Variants in MAD1L1 observed in about 807,000 individuals in gnomAD.
The protein encoded by MAD1L1 is mitotic arrest deficient 1 like 1, also known as mitotic spindle assembly checkpoint protein MAD1.
MAD1L1 carries 95 observed loss-of-function variants against 96.9 expected under a neutral mutation model. The observed-to-expected ratio is 0.98, with a 90% confidence interval of 0.83 to 1.16. The LOEUF (loss-of-function observed/expected upper bound fraction) is 1.16. MAD1L1 is among the 50% of genes most tolerant of loss of function. MAD1L1 has a pLI of 0.00. For synonymous variants in MAD1L1, 473 were observed against 396.6 expected (o/e 1.19, Z -2.29); for missense variants, 1,007 against 954.4 (o/e 1.06, Z -0.73).
At chr7:2,148,726 T>C (rs1789429211) in intron 11 of MAD1L1, 1 of 185,628 alleles carries the variant, frequency 5.4e-6, no homozygotes, top group Non-Finnish European at 1.1e-5. Context: ...TCTCTTGGTA[T>C]TCATAGTGAG....
intron 12 of MAD1L1, among the ~76,000 whole-genome samples, chr7:2,045,658 G>A (rs529542237): frequency 1.1e-4 from 16 of 151,868 alleles, no homozygotes; most frequent in Admixed American, 8.5e-4. Flanking sequence ...CTGGAAAAGC[G>A]ACAGTCGCTT....
chr7:1,887,164 G>A (rs1367091829), intron 18 of MAD1L1, among the ~76,000 whole-genome samples: 1 of 152,272 alleles, frequency 6.6e-6, no homozygotes, highest in African/African-American at 2.4e-5. Context: ...CCAGATCACA[G>A]AAGCAGGTGC....
intron 15 of MAD1L1, among the ~76,000 whole-genome samples, chr7:1,972,119 T>A (rs1019966286): frequency 2.6e-5 from 4 of 152,194 alleles, no homozygotes; most frequent in Non-Finnish European, 4.4e-5. Context: ...CCATGTCTAC[T>A]CCCACGTGAT....
chr7:2,187,697 G>T, intron 10 of MAD1L1, among the ~76,000 whole-genome samples: 1 of 152,172 alleles, frequency 6.6e-6, no homozygotes, highest in East Asian at 1.9e-4. Flanking sequence ...GAAATAGAAA[G>T]CACATGTAAG....
At chr7:2,213,424 T>C (rs1793089586) in intron 9 of MAD1L1, 151 bp from the exon 10 acceptor site, 1 of 712,674 alleles carries the variant, frequency 1.4e-6, no homozygotes, top group Non-Finnish European at 2.5e-6. Flanking sequence ...CCAAGTCTGC[T>C]TGGAAGTGGC....
At chr7:1,925,204 T>A (rs1169257001) in intron 17 of MAD1L1, among the ~76,000 whole-genome samples, 1 of 152,190 alleles carries the variant, frequency 6.6e-6, no homozygotes, top group Admixed American at 6.5e-5. Flanking sequence ...TATCAAATTA[T>A]CAGCTACCAA....
chr7:2,118,387 C>T (rs999812296), intron 11 of MAD1L1, among the ~76,000 whole-genome samples: 1 of 152,260 alleles, frequency 6.6e-6, no homozygotes, highest in African/African-American at 2.4e-5. Flanking sequence ...GGACCTCCCC[C>T]TGTGCTGCCA....
Position 2,142,800 on chromosome 7 carries a change from A to C in MAD1L1, c.1073+6352T>G, listed in dbSNP as rs975587807. ...AGCAGGTGGTCAGGTTGAGCATGAGACTTGCTGGGAACACATGGCTGAGGC... is the reference window on the plus strand; with the variant it reads ...AGCAGGTGGTCAGGTTGAGCATGAGCCTTGCTGGGAACACATGGCTGAGGC... On this transcript the variant is annotated intron_variant, in intron 11 of 18. Transcript: ENST00000265854. The surrounding 1 kb of genome is among the most constrained non-coding windows in gnomAD (Gnocchi z 4.7). Among the ~76,000 whole-genome samples, 1 of 152,190 alleles carries C rather than the reference A, an allele frequency of 6.6e-6. No individual in the cohort carries two copies. Among genetic ancestry groups the C allele is most frequent in the Non-Finnish European group, 1.5e-5 (1 of 68,030 alleles).
At chr7:2,169,483 C>T (rs1420690666) in intron 10 of MAD1L1, among the ~76,000 whole-genome samples, 10 of 152,182 alleles carry the variant, frequency 6.6e-5, no homozygotes, top group Admixed American at 6.5e-4. Context: ...TCTCTTGCTC[C>T]AATCCAAAAA....
At chr7:2,228,639 A>T (rs1050703064) in intron 3 of MAD1L1, among the ~76,000 whole-genome samples, 10 of 113,210 alleles carry the variant, frequency 8.8e-5, no homozygotes, top group African/African-American at 4.0e-4. Flanking sequence ...CATTTACATA[A>T]ATATTATATA....
At chr7:1,974,393 A>G (rs1583964647) in intron 15 of MAD1L1, among the ~76,000 whole-genome samples, 1 of 152,258 alleles carries the variant, frequency 6.6e-6, no homozygotes, top group Non-Finnish European at 1.5e-5. Context: ...TTAGAGCAAC[A>G]GAGAACAGGG....
intron 12 of MAD1L1, among the ~76,000 whole-genome samples, chr7:2,034,787 G>A (rs1361300853): frequency 1.3e-5 from 2 of 152,212 alleles, no homozygotes; most frequent in African/African-American, 4.8e-5. Context: ...GGGAGACGTG[G>A]AGATGAAATG....
chr7:2,014,586 G>A lies in MAD1L1; in HGVS notation c.1275C>T (p.Ala425=), dbSNP rs1465487584. The change falls in exon 13 of 19, where the codon GCC becomes GCT. Residue 425 remains alanine (A), a synonymous_variant. Coordinates refer to ENST00000265854, the MANE Select transcript of MAD1L1 (RefSeq NM_001013836.2). ...LGSYDSELTP[A]EYSPQLTRRM... ...GCCGCGTCAGCTGGGGTGAGTACTC[G>A]GCCGGGGTCAGCTCGCTGTCGTAGG... 21 of 1,612,372 alleles carry A rather than the reference G, an allele frequency of 1.3e-5. No individual in the cohort carries two copies. The highest frequency in any genetic ancestry group is 1.7e-4 in the Middle Eastern group (1 of 6,032).
intron 16 of MAD1L1, among the ~76,000 whole-genome samples, chr7:1,946,784 C>G (rs1040457448): frequency 2.6e-5 from 4 of 152,256 alleles, no homozygotes; most frequent in African/African-American, 9.6e-5. Flanking sequence ...CACCTTCAGA[C>G]AAAGCGGTCT....
chr7:2,154,195 G>C (rs137879748), intron 10 of MAD1L1, among the ~76,000 whole-genome samples: 2 of 152,128 alleles, frequency 1.3e-5, no homozygotes, highest in Non-Finnish European at 1.5e-5. Context: ...TTGTAACAAC[G>C]TGGCTGGAAT....
At chr7:2,057,891 G>A (rs1394672851) in intron 12 of MAD1L1, among the ~76,000 whole-genome samples, 1 of 152,222 alleles carries the variant, frequency 6.6e-6, no homozygotes, top group African/African-American at 2.4e-5. Flanking sequence ...GCCTGAAGGA[G>A]ACAAGGTGCC....
rs1022801407 is a variant in MAD1L1, at chr7:2,096,826, C to T, written c.1074-27488G>A. On this transcript the variant is annotated intron_variant, in intron 11 of 18. Transcript: ENST00000265854. ...GCCCAGCAGAGGCTGGGGGCACAGACCCATGGTACAGCCCGACAGCAGAGG... is the reference window on the plus strand; with the variant it reads ...GCCCAGCAGAGGCTGGGGGCACAGATCCATGGTACAGCCCGACAGCAGAGG... Among the ~76,000 whole-genome samples, 9 of 152,272 alleles carry T rather than the reference C, an allele frequency of 5.9e-5. No homozygotes were observed. The East Asian group carries it at 1.7e-3, about 30-fold the overall frequency.
chr7:1,852,050 A>T (rs1784005725), intron 18 of MAD1L1, among the ~76,000 whole-genome samples: 3 of 152,094 alleles, frequency 2.0e-5, no homozygotes, highest in South Asian at 2.1e-4. Flanking sequence ...ATGTCACAAG[A>T]TTGTTCTGGA....
chr7:1,926,101 T>C (rs184480914), intron 17 of MAD1L1, among the ~76,000 whole-genome samples: 2 of 152,104 alleles, frequency 1.3e-5, no homozygotes, highest in Non-Finnish European at 1.5e-5. Context: ...GCAGGCACGA[T>C]AAAATCAGCG....
Sources: gnomAD v4.1 joint callset for allele counts (sites outside exome capture counted in the v4.1 genomes callset) on GRCh38, gnomAD v4.1.1 for gene constraint, Gnocchi (gnomAD v3.1) non-coding constraint, MANE v1.5 for transcripts, NCBI Gene and HGNC (gene_info 2026-07-23, HGNC 2026-07-21) for gene names.